The following IL2RA variants were observed in gnomAD, a reference collection of about 807,000 sequenced individuals.
IL2RA encodes interleukin-2 receptor subunit alpha.
In IL2RA, 24 loss-of-function variants were observed where a neutral mutation model predicts 37.8. That is an observed-to-expected ratio of 0.63 (90% CI 0.46 to 0.89). IL2RA has a LOEUF of 0.89. IL2RA is among the 40% of genes least tolerant of loss of function. The probability of loss-of-function intolerance (pLI) is 0.00; values close to 1 mark genes in which losing one functional copy is unlikely to be tolerated. For missense variants in IL2RA, 319 were observed against 348.6 expected, an observed-to-expected ratio of 0.92 and a Z score of 0.68; for synonymous variants, 125 against 114.6, an observed-to-expected ratio of 1.09 and a Z score of -0.58.
chr10:6,045,121 C>T (rs940724373), intron 1 of IL2RA, among the ~76,000 whole-genome samples: 3 of 152,148 alleles, frequency 2.0e-5, no homozygotes, highest in Admixed American at 6.5e-5. Context: ...AGGAGATCTC[C>T]GAGCACTTGG....
chr10:6,032,692 C>A (rs1419150881), intron 1 of IL2RA, among the ~76,000 whole-genome samples: 15 of 112,694 alleles, frequency 1.3e-4, no homozygotes, highest in African/African-American at 3.0e-4. Flanking sequence ...GACTCCATCT[C>A]AAAAAAAAAA....
rs1264038951 is a variant in IL2RA, at chr10:6,029,109, G to T, written c.65-3084C>A. Among the ~76,000 whole-genome samples the T allele has an allele frequency of 1.3e-5, 2 of 151,434 alleles. No homozygotes were observed. Among genetic ancestry groups the T allele is most frequent in the African/African-American group, 4.9e-5 (2 of 41,228 alleles). ...AGCAGAGGTCAGTAAACTATGACCTGCAGATTTGCTGCCATTTATTTTATT... is the reference window on the plus strand; with the variant it reads ...AGCAGAGGTCAGTAAACTATGACCTTCAGATTTGCTGCCATTTATTTTATT... On this transcript the variant is annotated intron_variant, in intron 1 of 7. Coordinates refer to ENST00000379959, the MANE Select transcript of IL2RA (RefSeq NM_000417.3). This position sits in a 1 kb window ranked among gnomAD's most constrained non-coding sequence, Gnocchi z 4.6.
In IL2RA at chr10:6,035,833, T is replaced by C. The variant is rs7910961; in HGVS notation, c.65-9808A>G. On this transcript the variant is annotated intron_variant, in intron 1 of 7. Transcript: ENST00000379959. The surrounding 1 kb of genome is among the most constrained non-coding windows in gnomAD (Gnocchi z 5.4). ...GCTGTGGATGCTCATTAGACAGACA[T>C]GGGCAGAATCCCACTTGTTCCTCGT... 108,733 of 152,212 alleles carry C rather than the reference T, an allele frequency of 0.71. 39,546 individuals are homozygous for C. Among genetic ancestry groups the C allele is most frequent in the East Asian group, 0.93 (4,804 of 5,184 alleles). The allele number at this position is 152,212 out of a possible 1,614,324, so 9.4% of individuals were successfully genotyped here.
At chr10:6,051,578 G>T (rs1223061771) in intron 1 of IL2RA, among the ~76,000 whole-genome samples, 11 of 142,872 alleles carry the variant, frequency 7.7e-5, no homozygotes, top group Admixed American at 4.9e-4. Flanking sequence ...GGAGTGCAGT[G>T]GCTCAATCTC....
Position 6,025,692 on chromosome 10 carries a change from T to G in IL2RA, c.256+142A>C. On this transcript the variant is annotated intron_variant, in intron 2 of 7. Coordinates refer to ENST00000379959, the MANE Select transcript of IL2RA (RefSeq NM_000417.3). The surrounding 1 kb of genome is among the most constrained non-coding windows in gnomAD (Gnocchi z 4.4). The stretch of plus-strand genomic sequence containing the variant: ...AAAAAATTGTGTTTAGTGAATGACT[T>G]TTCAGGAACCACTAAAATTAGTTAT... 1.2e-6 allele frequency: 1 copy of G among 827,326 alleles called. No individual in the cohort carries two copies. The highest frequency in any genetic ancestry group is 1.5e-5 in the South Asian group (1 of 66,946). 51.2% of individuals were successfully genotyped at this position (827,326 alleles called of 1,614,324 possible).
chr10:6,023,769 A>C (rs1839429581), intron 3 of IL2RA, among the ~76,000 whole-genome samples: 2 of 152,228 alleles, frequency 1.3e-5, no homozygotes, highest in Non-Finnish European at 2.9e-5. Flanking sequence ...TGAGACTCAC[A>C]AGTGTGGCAT....
intron 3 of IL2RA, 78 bp downstream of exon 3, chr10:6,024,166 C>T (rs111237616): frequency 1.1e-6 from 1 of 946,456 alleles, no homozygotes. Context: ...AGACCTTCTT[C>T]CTTTGGGTAC....
chr10:6,057,852 G>T lies in IL2RA; in HGVS notation c.64+4236C>A, dbSNP rs1485402156. On this transcript the variant is annotated intron_variant, in intron 1 of 7. Coordinates refer to ENST00000379959, the MANE Select transcript of IL2RA (RefSeq NM_000417.3). This position sits in a 1 kb window ranked among gnomAD's most constrained non-coding sequence, Gnocchi z 4.8. ...AAAAAAGTCACAAAGAGGACTGGGT[G>T]CGGTGGCTCATGCCTGTAATCCCAG... 6.6e-6 allele frequency among the ~76,000 whole-genome samples: 1 copy of T among 152,186 alleles called. No individual in the cohort carries two copies. The highest frequency in any genetic ancestry group is 2.4e-5 in the African/African-American group (1 of 41,444).
rs1163561776 is a variant in IL2RA, at chr10:6,048,037, C to G, written c.64+14051G>C. Among the ~76,000 whole-genome samples, 1 of 152,182 alleles carries G rather than the reference C, an allele frequency of 6.6e-6. No individual in the cohort carries two copies. Among genetic ancestry groups the G allele is most frequent in the Admixed American group, 6.5e-5 (1 of 15,286 alleles). On this transcript the variant is annotated intron_variant, in intron 1 of 7. Transcript: ENST00000379959. The surrounding 1 kb of genome is among the most constrained non-coding windows in gnomAD (Gnocchi z 5.3). ...TTGGACCCAGGCAGCCTGACAAGTG[C>G]GTGCTCTTACGCACAAGTGTCTGCC...
rs1023184970 is a variant in IL2RA at position 6,032,703 on chromosome 10, A to T, written c.65-6678T>A. On this transcript the variant is annotated intron_variant, in intron 1 of 7. Coordinates refer to ENST00000379959, the MANE Select transcript of IL2RA (RefSeq NM_000417.3). ...GCGAGACTCCATCTCAAAAAAAAAAAAAAGAAAAAAATGAAAAAGTAAATG... is the reference window on the plus strand; with the variant it reads ...GCGAGACTCCATCTCAAAAAAAAAATAAAGAAAAAAATGAAAAAGTAAATG... 1.1e-3 allele frequency among the ~76,000 whole-genome samples: 168 copies of T among 152,054 alleles called. 1 individual carries two copies. Among genetic ancestry groups the T allele is most frequent in the African/African-American group, 3.7e-3 (155 of 41,522 alleles).
rs1292755382 is a variant in IL2RA at position 6,015,108 on chromosome 10, T to C, written c.795-2212A>G. 2.0e-5 allele frequency among the ~76,000 whole-genome samples: 3 copies of C among 151,926 alleles called. No individual in the cohort carries two copies. Among genetic ancestry groups the C allele is most frequent in the Non-Finnish European group, 4.4e-5 (3 of 67,974 alleles). On this transcript the variant is annotated intron_variant, in intron 7 of 7. Transcript: ENST00000379959. This position sits in a 1 kb window ranked among gnomAD's most constrained non-coding sequence, Gnocchi z 4.9. ...TTCTTTTTTCTTTCTTTCTTTTTTT[T>C]TTTAAACAGAGTCTTGCTGTGTCAC...
At chr10:6,050,870 G>C (rs1342204631) in intron 1 of IL2RA, among the ~76,000 whole-genome samples, 1 of 152,158 alleles carries the variant, frequency 6.6e-6, no homozygotes, top group Non-Finnish European at 1.5e-5. Context: ...AGCAGAGCTT[G>C]AGAGACGCTG....
Position 6,036,099 on chromosome 10 carries a change from G to A in IL2RA, c.65-10074C>T, listed in dbSNP as rs771612393. ...CAGAGGGTGCAGGTGAAGGGCCCTC[G>A]ACAATGCTTCTCTTTGCATTGTGGG... On this transcript the variant is annotated intron_variant, in intron 1 of 7. Transcript: ENST00000379959. The surrounding 1 kb of genome is among the most constrained non-coding windows in gnomAD (Gnocchi z 6.1). 4 of 152,242 alleles carry A rather than the reference G, an allele frequency of 2.6e-5. No homozygotes were observed. Among genetic ancestry groups the A allele is most frequent in the Non-Finnish European group, 4.4e-5 (3 of 68,056 alleles). 9.4% of individuals were successfully genotyped at this position (152,242 alleles called of 1,614,324 possible).
In IL2RA at chr10:6,026,426, A is replaced by C. The variant is rs150964745; in HGVS notation, c.65-401T>G. Among the ~76,000 whole-genome samples the C allele has an allele frequency of 2.0e-3, 308 of 152,338 alleles. 3 individuals carry two copies. The highest frequency in any genetic ancestry group is 6.7e-3 in the African/African-American group (279 of 41,574). ...TGCAAGATACTTTTAAGGATATACG[A>C]GTTGTTAGACTTTCTATAATTAATG... On this transcript the variant is annotated intron_variant, in intron 1 of 7. Coordinates refer to ENST00000379959, the MANE Select transcript of IL2RA (RefSeq NM_000417.3).
intron 6 of IL2RA, among the ~76,000 whole-genome samples, chr10:6,019,189 A>T (rs564722591): frequency 2.0e-5 from 3 of 152,264 alleles, no homozygotes; most frequent in African/African-American, 7.2e-5. Context: ...CCTACCAACC[A>T]ATCAACTAAC....
At chr10:6,034,452 T>TA (rs1839648347) in intron 1 of IL2RA, among the ~76,000 whole-genome samples, 2 of 151,564 alleles carry the variant, frequency 1.3e-5, no homozygotes, top group Non-Finnish European at 3.0e-5. Flanking sequence ...ATTTTTTTTT[T>TA]AGCCCTTCTC....
At chr10:6,050,230 C>T (rs962405429) in intron 1 of IL2RA, among the ~76,000 whole-genome samples, 1 of 152,210 alleles carries the variant, frequency 6.6e-6, no homozygotes, top group Non-Finnish European at 1.5e-5. Context: ...TGCCTGTTGA[C>T]AGCTTGCTTC....
At chr10:6,049,615 G>A (rs1839916083) in intron 1 of IL2RA, among the ~76,000 whole-genome samples, 1 of 152,122 alleles carries the variant, frequency 6.6e-6, no homozygotes, top group Non-Finnish European at 1.5e-5. Flanking sequence ...AAGCCTCCGG[G>A]ACTCTTCTGT....
chr10:6,043,038 A>G (rs1392385866), intron 1 of IL2RA, among the ~76,000 whole-genome samples: 1 of 152,222 alleles, frequency 6.6e-6, no homozygotes, highest in African/African-American at 2.4e-5. Flanking sequence ...AAATTCTTGC[A>G]TATGTGCACA....
Sources: gnomAD v4.1 joint callset for allele counts (sites outside exome capture counted in the v4.1 genomes callset) on GRCh38, gnomAD v4.1.1 for gene constraint, Gnocchi (gnomAD v3.1) non-coding constraint, MANE v1.5 for transcripts, NCBI Gene and HGNC (gene_info 2026-07-23, HGNC 2026-07-21) for gene names.